MSRA: variants seen among roughly 807,000 people sequenced by gnomAD.
MSRA encodes mitochondrial peptide methionine sulfoxide reductase.
A neutral mutation model predicts 31.3 loss-of-function variants in MSRA; 54 were observed. The ratio of observed to expected loss-of-function variants is 1.73; its 90% CI spans 1.39 to 2.17. The LOEUF (loss-of-function observed/expected upper bound fraction) is 2.17, where lower values mean the gene tolerates loss of function less well. Among genes scored for constraint, MSRA ranks in the 30% most tolerant of loss-of-function variants. The pLI is 0.00. For missense variants in MSRA, 507 were observed against 300.9 expected (o/e 1.69, Z -5.07); for synonymous variants, 169 against 116.5 (o/e 1.45, Z -2.90).
At chr8:10,415,444 C>T (rs1808399376) in intron 5 of MSRA, among the ~76,000 whole-genome samples, 1 of 152,246 alleles carries the variant, frequency 6.6e-6, no homozygotes. Flanking sequence ...CCTGGGTTCA[C>T]GTGGTTCCTT....
At chr8:10,109,152 G>C (rs1383896011) in intron 1 of MSRA, among the ~76,000 whole-genome samples, 1 of 152,126 alleles carries the variant, frequency 6.6e-6, no homozygotes, top group Non-Finnish European at 1.5e-5. Context: ...AAGTCCAGGA[G>C]ATAAAATGCA....
intron 1 of MSRA, among the ~76,000 whole-genome samples, chr8:10,080,521 C>T (rs902597911): frequency 1.3e-5 from 2 of 151,882 alleles, no homozygotes; most frequent in South Asian, 2.1e-4. Flanking sequence ...GCAGCTGTCT[C>T]TTTTTAATTT....
rs141290102 is a variant in MSRA, at chr8:10,192,161, A to G, written c.143-15672A>G. On this transcript the variant is annotated intron_variant, in intron 1 of 5. Transcript: ENST00000317173. ...GCACCCAAGATGGAAGTCATAGTCT[A>G]TCATCCACTCACGGAATCAAACCCC... Among the ~76,000 whole-genome samples, 9 of 152,330 alleles carry G rather than the reference A, an allele frequency of 5.9e-5. No homozygotes were observed. The South Asian group carries it at 1.5e-3, about 25-fold the overall frequency.
intron 5 of MSRA, among the ~76,000 whole-genome samples, chr8:10,418,814 C>A (rs1381444153): frequency 1.7e-3 from 2 of 1,148 alleles, no homozygotes; most frequent in South Asian, 0.036. Flanking sequence ...TTTACTACGA[C>A]TAAAAAAAAA....
At position 10,428,606 on chromosome 8, in the gene MSRA, G is replaced by A. The variant is rs1323228319; in HGVS notation, c.*294G>A. 6 of 362,352 alleles carry A rather than the reference G, an allele frequency of 1.7e-5. No homozygotes were observed. Among genetic ancestry groups the A allele is most frequent in the African/African-American group, 2.2e-5 (1 of 46,392 alleles). 22.4% of individuals were successfully genotyped at this position (362,352 alleles called of 1,614,324 possible). Reference sequence around the variant, plus strand: ...TTCACCCTTCTTGGTAGAAGCTAAGGTGTGAGCTGGGAGGTTGCTGGACAG... The same window carrying A: ...TTCACCCTTCTTGGTAGAAGCTAAGATGTGAGCTGGGAGGTTGCTGGACAG... On this transcript the variant is annotated 3_prime_UTR_variant, in exon 6 of 6. Coordinates refer to ENST00000317173, the MANE Select transcript of MSRA (RefSeq NM_012331.5).
chr8:10,115,794 A>G (rs963592), intron 1 of MSRA, among the ~76,000 whole-genome samples: 136,929 of 152,262 alleles, frequency 0.9, 61,757 homozygotes, highest in East Asian at 0.97. Context: ...TATCCCCAGC[A>G]TTAAGAAGAG....
At chr8:10,285,576 G>A (rs1799888733) in intron 3 of MSRA, among the ~76,000 whole-genome samples, 1 of 152,032 alleles carries the variant, frequency 6.6e-6, no homozygotes. Flanking sequence ...TAGGGTTCTG[G>A]AATACTGGAA....
chr8:10,399,030 G>A (rs1168015115), intron 5 of MSRA, among the ~76,000 whole-genome samples: 1 of 152,224 alleles, frequency 6.6e-6, no homozygotes, highest in Non-Finnish European at 1.5e-5. Context: ...CCAGCCTTTG[G>A]ATTGATAAAC....
intron 5 of MSRA, among the ~76,000 whole-genome samples, chr8:10,362,543 A>T (rs1423182200): frequency 6.7e-6 from 1 of 150,248 alleles, no homozygotes; most frequent in Non-Finnish European, 1.5e-5. Flanking sequence ...GAGGCCACTG[A>T]GACATCTCTT....
intron 5 of MSRA, among the ~76,000 whole-genome samples, chr8:10,381,655 T>G (rs1806078162): frequency 6.6e-6 from 1 of 151,998 alleles, no homozygotes; most frequent in Non-Finnish European, 1.5e-5. Flanking sequence ...CTTTCAGGAG[T>G]TGCTAGACTG....
chr8:10,412,677 G>A (rs536811273), intron 5 of MSRA, among the ~76,000 whole-genome samples: 83 of 152,278 alleles, frequency 5.5e-4, no homozygotes, highest in Middle Eastern at 6.8e-3. Context: ...TCACCTACAG[G>A]ATGCCTTTGT....
intron 2 of MSRA, among the ~76,000 whole-genome samples, chr8:10,214,287 C>G (rs554205016): frequency 6.6e-6 from 1 of 152,070 alleles, no homozygotes; most frequent in African/African-American, 2.4e-5. Flanking sequence ...GAGACTTGTC[C>G]CTCTCTGGGG....
At chr8:10,098,692 C>T (rs1001938882) in intron 1 of MSRA, among the ~76,000 whole-genome samples, 1 of 152,174 alleles carries the variant, frequency 6.6e-6, no homozygotes, top group Non-Finnish European at 1.5e-5. Context: ...AGTTGTATTA[C>T]ACGTAGCTGT....
intron 1 of MSRA, among the ~76,000 whole-genome samples, chr8:10,202,851 C>T (rs1430521979): frequency 6.6e-6 from 1 of 152,126 alleles, no homozygotes; most frequent in South Asian, 2.1e-4. Flanking sequence ...TGAAGAAATT[C>T]TTACAGATGA....
intron 3 of MSRA, among the ~76,000 whole-genome samples, chr8:10,265,634 A>G (rs1350706601): frequency 2.6e-5 from 4 of 152,188 alleles, no homozygotes; most frequent in African/African-American, 9.7e-5. Context: ...TAAAGTACAT[A>G]TTTTAAAGTG....
intron 5 of MSRA, among the ~76,000 whole-genome samples, chr8:10,396,052 T>C (rs1386256637): frequency 6.6e-6 from 1 of 152,130 alleles, no homozygotes; most frequent in Non-Finnish European, 1.5e-5. Context: ...CCCTCCCTTC[T>C]CCCCTTCCCA....
At chr8:10,198,207 A>T (rs1262172252) in intron 1 of MSRA, among the ~76,000 whole-genome samples, 1 of 152,168 alleles carries the variant, frequency 6.6e-6, no homozygotes, top group Non-Finnish European at 1.5e-5. Context: ...AAGGAAGCAA[A>T]ATCACCCATA....
intron 4 of MSRA, among the ~76,000 whole-genome samples, chr8:10,303,828 T>C (rs1278742064): frequency 6.6e-6 from 1 of 152,280 alleles, no homozygotes; most frequent in Admixed American, 6.5e-5. Flanking sequence ...TTTTAGTTTC[T>C]ATTACATGTA....
intron 3 of MSRA, among the ~76,000 whole-genome samples, chr8:10,268,056 C>A (rs34514972): frequency 6.6e-6 from 1 of 152,180 alleles, no homozygotes; most frequent in Non-Finnish European, 1.5e-5. Flanking sequence ...TCTTCAGGGC[C>A]AAGACCTGTA....
Sources: gnomAD v4.1 joint callset for allele counts (sites outside exome capture counted in the v4.1 genomes callset) on GRCh38, gnomAD v4.1.1 for gene constraint, MANE v1.5 for transcripts, NCBI Gene and HGNC (gene_info 2026-07-23, HGNC 2026-07-21) for gene names.